BABAM2: variants seen among roughly 807,000 people sequenced by gnomAD.
BABAM2 encodes BRISC and BRCA1 A complex member 2.
In BABAM2, 31 loss-of-function variants were observed where a neutral mutation model predicts 54.7. That is an observed-to-expected ratio of 0.57 (90% CI 0.43 to 0.77). The LOEUF (loss-of-function observed/expected upper bound fraction) is 0.77. Among genes scored for constraint, BABAM2 ranks in the 30% least tolerant of loss-of-function variants. The pLI, the probability that BABAM2 is intolerant of heterozygous loss-of-function variation, is 0.00. For missense variants in BABAM2, 364 were observed against 455.8 expected, an observed-to-expected ratio of 0.80 and a Z score of 1.83; for synonymous variants, 167 against 162.9, an observed-to-expected ratio of 1.03 and a Z score of -0.19.
chr2:28,128,112 G>A lies in BABAM2; in HGVS notation c.571-1159G>A, dbSNP rs184633590. Among the ~76,000 whole-genome samples the A allele has an allele frequency of 5.2e-3, 794 of 152,110 alleles. 5 individuals are homozygous for A. The highest frequency in any genetic ancestry group is 7.5e-3 in the Admixed American group (115 of 15,276). Reference sequence around the variant, plus strand: ...CAGGCATGAGCCACCGCGCCCAGCCGAGTAATGAGTCTTAAAGTCTAGGTG... The same window carrying A: ...CAGGCATGAGCCACCGCGCCCAGCCAAGTAATGAGTCTTAAAGTCTAGGTG... On this transcript the variant is annotated intron_variant, in intron 6 of 11. Coordinates refer to ENST00000379624, the MANE Select transcript of BABAM2 (RefSeq NM_199191.3).
chr2:28,090,931 T>G (rs543896780), intron 6 of BABAM2, among the ~76,000 whole-genome samples: 2 of 151,808 alleles, frequency 1.3e-5, no homozygotes, highest in African/African-American at 2.4e-5. Context: ...TCCTGCATTT[T>G]GGGAGGATCA....
At chr2:28,073,471 C>T (rs1664361124) in intron 6 of BABAM2, among the ~76,000 whole-genome samples, 1 of 152,184 alleles carries the variant, frequency 6.6e-6, no homozygotes, top group African/African-American at 2.4e-5. Context: ...GCACTCCAGC[C>T]TGGATGACAG....
At chr2:28,301,797 T>C (rs1045691918) in intron 11 of BABAM2, among the ~76,000 whole-genome samples, 1 of 152,240 alleles carries the variant, frequency 6.6e-6, no homozygotes, top group Non-Finnish European at 1.5e-5. Flanking sequence ...TCTTCACATC[T>C]TCATATATAT....
At chr2:28,222,482 A>G (rs967608621) in intron 7 of BABAM2, among the ~76,000 whole-genome samples, 1 of 152,226 alleles carries the variant, frequency 6.6e-6, no homozygotes, top group African/African-American at 2.4e-5. Context: ...CCATGGATGC[A>G]GTATTGATAC....
chr2:28,236,032 A>C (rs578154981), intron 7 of BABAM2, among the ~76,000 whole-genome samples: 1 of 152,164 alleles, frequency 6.6e-6, no homozygotes, highest in Non-Finnish European at 1.5e-5. Flanking sequence ...CAACCTTGTA[A>C]CTGCAGGGTC....
At chr2:27,908,058 G>T (rs1215910248) in intron 2 of BABAM2, among the ~76,000 whole-genome samples, 1 of 152,108 alleles carries the variant, frequency 6.6e-6, no homozygotes, top group Non-Finnish European at 1.5e-5. Context: ...TAGATCATAT[G>T]ATAATTCTGT....
intron 3 of BABAM2, among the ~76,000 whole-genome samples, chr2:27,963,093 C>T (rs1432652733): frequency 6.6e-6 from 1 of 152,086 alleles, no homozygotes; most frequent in Non-Finnish European, 1.5e-5. Context: ...ACTAGAATTA[C>T]CACAGTAATC....
chr2:28,300,877 C>T (rs564580812), intron 11 of BABAM2, among the ~76,000 whole-genome samples: 9 of 152,260 alleles, frequency 5.9e-5, no homozygotes, highest in African/African-American at 2.2e-4. Flanking sequence ...AAGATGGATC[C>T]ATTTTAAATG....
At position 28,322,794 on chromosome 2, in the gene BABAM2, AGCT is replaced by A. The variant is rs981360830; in HGVS notation, c.1089-15654_1089-15652del. Among the ~76,000 whole-genome samples the A allele has an allele frequency of 8.5e-5, 13 of 152,280 alleles. No individual in the cohort carries two copies. The highest frequency in any genetic ancestry group is 4.6e-4 in the Admixed American group (7 of 15,292). ...CTGCAGAGTAAAGGGGCTCCTGCTT[AGCT>A]GACTGCCAGACTTGCAAAGGGGAAT... On this transcript the variant is annotated intron_variant, in intron 11 of 11. Coordinates refer to ENST00000379624, the MANE Select transcript of BABAM2 (RefSeq NM_199191.3). This position sits in a 1 kb window ranked among gnomAD's most constrained non-coding sequence, Gnocchi z 4.1.
chr2:28,072,330 G>A (rs1032427520), intron 6 of BABAM2, among the ~76,000 whole-genome samples: 1 of 151,122 alleles, frequency 6.6e-6, no homozygotes, highest in African/African-American at 2.4e-5. Context: ...ACACCACCAC[G>A]CCCAGCTAAT....
At chr2:28,281,745 TA>T (rs2148195231) in intron 10 of BABAM2, among the ~76,000 whole-genome samples, 1 of 152,346 alleles carries the variant, frequency 6.6e-6, no homozygotes, top group African/African-American at 2.4e-5. Context: ...CTCTGTCACT[TA>T]ACTAATTCTA....
chr2:27,933,551 C>T (rs1668257081), intron 3 of BABAM2, among the ~76,000 whole-genome samples: 1 of 151,686 alleles, frequency 6.6e-6, no homozygotes, highest in Admixed American at 6.6e-5. Context: ...TCACTGCAAC[C>T]TCCACCTCCC....
chr2:28,272,297 T>C (rs754923555), intron 10 of BABAM2, among the ~76,000 whole-genome samples: 1 of 152,260 alleles, frequency 6.6e-6, no homozygotes, highest in Non-Finnish European at 1.5e-5. Context: ...TTTTTTGTTT[T>C]AGGTTTAGAA....
At chr2:28,127,678 A>C (rs1018529667) in intron 6 of BABAM2, among the ~76,000 whole-genome samples, 1 of 152,138 alleles carries the variant, frequency 6.6e-6, no homozygotes, top group Non-Finnish European at 1.5e-5. Context: ...AGGAGACCGA[A>C]GGTTCCGGAG....
intron 10 of BABAM2, among the ~76,000 whole-genome samples, chr2:28,285,155 T>A (rs1440981516): frequency 2.0e-5 from 3 of 152,210 alleles, no homozygotes; most frequent in African/African-American, 7.2e-5. Flanking sequence ...CACTTTTCTA[T>A]GTGCAAGACT....
At chr2:28,198,035 C>A (rs1677802186) in intron 7 of BABAM2, among the ~76,000 whole-genome samples, 1 of 152,108 alleles carries the variant, frequency 6.6e-6, no homozygotes, top group Non-Finnish European at 1.5e-5. Context: ...CAATAGCCTC[C>A]ATGTAAGGAT....
chr2:27,967,484 G>A (rs1670913001), intron 3 of BABAM2, among the ~76,000 whole-genome samples: 1 of 152,074 alleles, frequency 6.6e-6, no homozygotes, highest in Non-Finnish European at 1.5e-5. Flanking sequence ...TAAATTGCCT[G>A]GTCTCAGGTA....
intron 10 of BABAM2, among the ~76,000 whole-genome samples, chr2:28,276,771 T>C (rs1220401183): frequency 6.6e-6 from 1 of 152,280 alleles, no homozygotes; most frequent in Non-Finnish European, 1.5e-5. Context: ...TTTCATAAGC[T>C]GGCAGAAATA....
At chr2:28,244,110 T>A (rs556131127) in intron 9 of BABAM2, among the ~76,000 whole-genome samples, 1 of 152,250 alleles carries the variant, frequency 6.6e-6, no homozygotes, top group African/African-American at 2.4e-5. Flanking sequence ...TTTTGACACA[T>A]GAAATATGCA....
Sources: allele counts gnomAD v4.1 joint callset (sites outside exome capture counted in the v4.1 genomes callset), GRCh38; gene constraint gnomAD v4.1.1; non-coding constraint Gnocchi (gnomAD v3.1); transcripts MANE v1.5; gene names NCBI Gene and HGNC (gene_info 2026-07-23, HGNC 2026-07-21).